Variants in RHOA observed in about 807,000 individuals in gnomAD.
RHOA encodes the protein ras homolog family member A.
In RHOA, 3 loss-of-function variants were observed where a neutral mutation model predicts 17.5. The observed-to-expected ratio is 0.17, with a 90% CI of 0.08 to 0.44. The LOEUF (loss-of-function observed/expected upper bound fraction) is 0.44, where lower values mean the gene tolerates loss of function less well. RHOA is among the 20% of genes least tolerant of loss of function. The pLI, the probability that RHOA is intolerant of heterozygous loss-of-function variation, is 0.99. For synonymous variants in RHOA, 98 were observed against 88.4 expected, an observed-to-expected ratio of 1.11 and a Z score of -0.61; for missense variants, 56 against 242.3, an observed-to-expected ratio of 0.23 and a Z score of 5.10.
intron 1 of RHOA, among the ~76,000 whole-genome samples, chr3:49,398,988 G>A (rs1169385496): frequency 7.0e-6 from 1 of 142,072 alleles, no homozygotes; most frequent in African/African-American, 2.6e-5. Context: ...TCGGGAGGCA[G>A]AGGTTGCAGT....
intron 1 of RHOA, among the ~76,000 whole-genome samples, chr3:49,403,163 C>A (rs2048754475): frequency 6.6e-6 from 1 of 151,974 alleles, no homozygotes; most frequent in Non-Finnish European, 1.5e-5. Flanking sequence ...AGAGTGAAAC[C>A]CCATCTCTAC....
rs150686138 is a variant in RHOA at position 49,379,982 on chromosome 3, G to A, written c.-2-4391C>T. On this transcript the variant is annotated intron_variant, in intron 1 of 4. Coordinates refer to ENST00000418115, the MANE Select transcript of RHOA (RefSeq NM_001664.4). ...GTGATGGTCAACCATCCCAATTCCC[G>A]CCCTTCCCTCCTAGACCATACTTCG... Among the ~76,000 whole-genome samples, 293 of 152,200 alleles carry A rather than the reference G, an allele frequency of 1.9e-3. 5 individuals carry two copies. Among genetic ancestry groups the A allele is most frequent in the East Asian group, 5.8e-3 (30 of 5,182 alleles).
intron 1 of RHOA, among the ~76,000 whole-genome samples, chr3:49,408,174 AAAAATAT>A (rs1262489454): frequency 6.7e-5 from 10 of 150,076 alleles, no homozygotes; most frequent in African/African-American, 1.0e-4. Flanking sequence ...AGAAAAAAAA[AAAAATAT>A]ATATATATAC....
intron 1 of RHOA, among the ~76,000 whole-genome samples, chr3:49,404,517 A>T (rs1026395481): frequency 7.1e-6 from 1 of 141,514 alleles, no homozygotes; most frequent in African/African-American, 2.6e-5. Context: ...AGGCTGAGGC[A>T]GGAGAATCGC....
intron 1 of RHOA, among the ~76,000 whole-genome samples, chr3:49,405,472 T>C (rs770862876): frequency 3.3e-5 from 5 of 152,194 alleles, no homozygotes; most frequent in African/African-American, 4.8e-5. Context: ...AAGGGCTACA[T>C]GTCTGGCACT....
At chr3:49,402,864 C>T (rs1350350258) in intron 1 of RHOA, among the ~76,000 whole-genome samples, 2 of 151,952 alleles carry the variant, frequency 1.3e-5, no homozygotes, top group East Asian at 3.9e-4. Flanking sequence ...GGCGAAACCC[C>T]GTATCCACTA....
At chr3:49,392,257 C>T (rs1487283602) in intron 1 of RHOA, among the ~76,000 whole-genome samples, 10 of 152,088 alleles carry the variant, frequency 6.6e-5, no homozygotes, top group Admixed American at 6.6e-4. Flanking sequence ...TACAGTGAGA[C>T]CTCATTTCTA....
rs79297962 is a variant in RHOA, at chr3:49,395,935, G to A, written c.-3+15885C>T. On this transcript the variant is annotated intron_variant, in intron 1 of 4. Transcript: ENST00000418115. Reference sequence around the variant, plus strand: ...CTGAAAAATATCAGTGCCCAGGTAAGCTGTTATTACAGGTAAAAACAGCAT... The same window carrying A: ...CTGAAAAATATCAGTGCCCAGGTAAACTGTTATTACAGGTAAAAACAGCAT... 2.7e-3 allele frequency among the ~76,000 whole-genome samples: 417 copies of A among 152,226 alleles called. 3 individuals carry two copies. The highest frequency in any genetic ancestry group is 9.3e-3 in the African/African-American group (387 of 41,538).
chr3:49,381,200 T>A (rs1178517666), intron 1 of RHOA, among the ~76,000 whole-genome samples: 1 of 149,472 alleles, frequency 6.7e-6, no homozygotes, highest in African/African-American at 2.5e-5. Flanking sequence ...AGGTCCAGAG[T>A]TCAAGACCAG....
intron 1 of RHOA, among the ~76,000 whole-genome samples, chr3:49,396,326 C>G (rs2048615695): frequency 6.6e-6 from 1 of 152,092 alleles, no homozygotes; most frequent in Non-Finnish European, 1.5e-5. Context: ...GTAATCCCAG[C>G]ACTTTGGGAG....
rs1673217935 is a variant in RHOA at position 49,359,492 on chromosome 3, A to G, written c.*717T>C. The G allele has an allele frequency of 1.0e-5, 2 of 196,076 alleles. No homozygotes were observed. The highest frequency in any genetic ancestry group is 1.2e-4 in the Admixed American group (2 of 16,450). 12.1% of individuals were successfully genotyped at this position (196,076 alleles called of 1,614,324 possible). On this transcript the variant is annotated 3_prime_UTR_variant, in exon 5 of 5. Transcript: ENST00000418115. ...AAAAAGTGACAAAACGGGAATTTAAAAAATGAATTTTCCATCTGACTTTAT... is the reference window on the plus strand; with the variant it reads ...AAAAAGTGACAAAACGGGAATTTAAGAAATGAATTTTCCATCTGACTTTAT...
At chr3:49,379,750 A>T (rs948926662) in intron 1 of RHOA, among the ~76,000 whole-genome samples, 1 of 152,190 alleles carries the variant, frequency 6.6e-6, no homozygotes, top group Non-Finnish European at 1.5e-5. Context: ...TCCTGAGGTC[A>T]AGCGATCCTC....
chr3:49,385,637 T>G (rs1559507380), intron 1 of RHOA, among the ~76,000 whole-genome samples: 1 of 152,174 alleles, frequency 6.6e-6, no homozygotes, highest in South Asian at 2.1e-4. Flanking sequence ...TTACTGATGG[T>G]TTGGTGGCAT....
intron 3 of RHOA, 53 bp downstream of exon 3, chr3:49,368,375 A>AT (rs1208868869): frequency 2.5e-6 from 4 of 1,585,628 alleles, no homozygotes; most frequent in Non-Finnish European, 3.4e-6. Flanking sequence ...CAGAAACCAG[A>AT]TGCCAACTAG....
intron 3 of RHOA, among the ~76,000 whole-genome samples, chr3:49,367,342 CAAAAAAAAAAAAA>C (rs62926260): frequency 6.0e-4 from 48 of 80,504 alleles, no homozygotes; most frequent in African/African-American, 2.2e-3. Flanking sequence ...GACTCCCTCT[CAAAAAAAAAAAAA>C]AAAAAAAAAA....
At chr3:49,388,738 T>C (rs1006432695) in intron 1 of RHOA, among the ~76,000 whole-genome samples, 5 of 152,182 alleles carry the variant, frequency 3.3e-5, no homozygotes, top group African/African-American at 1.2e-4. Context: ...GTATCTCACA[T>C]TTTGAAATGT....
chr3:49,401,248 G>A lies in RHOA; in HGVS notation c.-3+10572C>T, dbSNP rs74818113. On this transcript the variant is annotated intron_variant, in intron 1 of 4. Transcript: ENST00000418115. ...GCATAGTATGTAAAACTCCTGACCA[G>A]GTGTGGTGGCTCACAACTGCAATCC... 2.7e-3 allele frequency among the ~76,000 whole-genome samples: 416 copies of A among 152,114 alleles called. 3 individuals are homozygous for A. The highest frequency in any genetic ancestry group is 9.3e-3 in the African/African-American group (386 of 41,494).
intron 1 of RHOA, among the ~76,000 whole-genome samples, chr3:49,385,405 G>A (rs185767354): frequency 2.6e-4 from 40 of 151,724 alleles, no homozygotes; most frequent in African/African-American, 8.5e-4. Flanking sequence ...TAGTAGAGAC[G>A]GGGTTTTACC....
chr3:49,391,119 G>A (rs924274233), intron 1 of RHOA, among the ~76,000 whole-genome samples: 1 of 151,704 alleles, frequency 6.6e-6, no homozygotes, highest in African/African-American at 2.4e-5. Context: ...TTGGGAGGAT[G>A]AGGCAGGAGA....
Sources: allele counts gnomAD v4.1 joint callset (sites outside exome capture counted in the v4.1 genomes callset), GRCh38; gene constraint gnomAD v4.1.1; transcripts MANE v1.5; gene names NCBI Gene and HGNC (gene_info 2026-07-23, HGNC 2026-07-21).